The following C10orf88 variants were observed in gnomAD, a reference collection of about 807,000 sequenced individuals.
C10orf88 encodes chromosome 10 open reading frame 88, also known as ATPase PAAT.
Under a neutral mutation model 34.2 loss-of-function variants are expected in C10orf88, and 29 were observed. That is an observed-to-expected ratio of 0.85 (90% CI 0.63 to 1.16). C10orf88 has a LOEUF of 1.16. C10orf88 is among the 50% of genes most tolerant of loss of function. The probability of loss-of-function intolerance (pLI) is 0.00; values close to 1 mark genes in which losing one functional copy is unlikely to be tolerated. For synonymous variants in C10orf88, 194 were observed against 197.4 expected (o/e 0.98, Z 0.15); for missense variants, 507 against 533.2 (o/e 0.95, Z 0.48).
chr10:122,934,047 C>G (rs1848510655), intron 5 of C10orf88, among the ~76,000 whole-genome samples: 1 of 152,170 alleles, frequency 6.6e-6, no homozygotes, highest in South Asian at 2.1e-4. Context: ...TAGAATACAC[C>G]AAAGACAGTT....
At chr10:122,949,306 T>C (rs1251154366) in intron 3 of C10orf88, among the ~76,000 whole-genome samples, 1 of 152,012 alleles carries the variant, frequency 6.6e-6, no homozygotes, top group Non-Finnish European at 1.5e-5. Context: ...AACAATAGAG[T>C]AATTTTGACA....
Position 122,937,906 on chromosome 10 carries a change from T to A in C10orf88, c.902A>T (p.His301Leu), listed in dbSNP as rs773653013. The change falls in exon 5 of 6, where the codon CAT (histidine) becomes CTT (leucine). Residue 301 changes from histidine to leucine, a missense_variant. By Grantham distance (99) the His-to-Leu change is moderately conservative. Coordinates refer to ENST00000481909, the MANE Select transcript of C10orf88 (RefSeq NM_024942.4). ...LDECKVMPQNHSFLENDLKNA... is the reference protein window; with the variant it reads ...LDECKVMPQNLSFLENDLKNA... ...TTTAAGATCATTTTCAAGAAAGGAA[T>A]GGTTTTGAGGCATAACTTTACACTC... 3 of 1,613,412 alleles carry A rather than the reference T, an allele frequency of 1.9e-6. No individual in the cohort carries two copies. In the South Asian group the frequency reaches 3.3e-5, roughly 18 times the overall value.
At chr10:122,949,818 C>T (rs1010949954) in intron 3 of C10orf88, among the ~76,000 whole-genome samples, 2 of 152,116 alleles carry the variant, frequency 1.3e-5, no homozygotes, top group East Asian at 1.9e-4. Flanking sequence ...TCATGTAAAA[C>T]GTTTACTGAA....
At chr10:122,947,082 C>T (rs189124986) in intron 4 of C10orf88, among the ~76,000 whole-genome samples, 171 of 152,116 alleles carry the variant, frequency 1.1e-3, no homozygotes, top group African/African-American at 4.0e-3. Context: ...AGGTCATTCT[C>T]GGTACATTGT....
chr10:122,952,245 A>G (rs1848697040), intron 2 of C10orf88, among the ~76,000 whole-genome samples: 1 of 152,234 alleles, frequency 6.6e-6, no homozygotes, highest in African/African-American at 2.4e-5. Context: ...TAACATATGT[A>G]CAACCATGTA....
intron 1 of C10orf88, among the ~76,000 whole-genome samples, chr10:122,953,376 C>T (rs975623062): frequency 6.6e-6 from 1 of 152,156 alleles, no homozygotes; most frequent in Non-Finnish European, 1.5e-5. Context: ...CGTGCCCGGC[C>T]GGGGCTTCTT....
rs1478982641 is a variant in C10orf88 at position 122,948,554 on chromosome 10, A to G, written c.648+95T>C. 2.6e-6 allele frequency: 3 copies of G among 1,163,790 alleles called. No homozygotes were observed. The Admixed American group carries it at 7.1e-5, about 28-fold the overall frequency. The allele number at this position is 1,163,790 out of a possible 1,614,324, so 72.1% of individuals were successfully genotyped here. A position where few individuals can be genotyped will look rare whatever the true frequency, so the allele number is the denominator to read the frequency against. ...ACTAAAAGATAACAGTTAAATCAGT[A>G]TGAAAGAAAAATTTTAAGTCACTAC... On this transcript the variant is annotated intron_variant, in intron 4 of 5. Coordinates refer to ENST00000481909, the MANE Select transcript of C10orf88 (RefSeq NM_024942.4).
chr10:122,946,061 A>C (rs1225888351), intron 4 of C10orf88, among the ~76,000 whole-genome samples: 1 of 152,056 alleles, frequency 6.6e-6, no homozygotes, highest in Non-Finnish European at 1.5e-5. Context: ...ATACCACTGC[A>C]CTCCAGCCCA....
In C10orf88 at chr10:122,951,935, T is replaced by C. The variant is rs767006447; in HGVS notation, c.441+19A>G. ...AAAAACAACTTAGTTGTCAAATTAG[T>C]TTACAACTGACAACTTACCTTTATT... On this transcript the variant is annotated intron_variant, in intron 3 of 5. Coordinates refer to ENST00000481909, the MANE Select transcript of C10orf88 (RefSeq NM_024942.4). The C allele has an allele frequency of 7.4e-6, 11 of 1,479,944 alleles. No homozygotes were observed. Among genetic ancestry groups the C allele is most frequent in the Non-Finnish European group, 9.3e-6 (10 of 1,069,924 alleles). 91.7% of individuals were successfully genotyped at this position (1,479,944 alleles called of 1,614,324 possible).
chr10:122,949,000 C>G, intron 3 of C10orf88, 145 bp from the exon 4 acceptor site: 1 of 673,492 alleles, frequency 1.5e-6, no homozygotes, highest in Non-Finnish European at 2.4e-6. Context: ...TTCTCTAGAA[C>G]AGCAATAGTC....
intron 3 of C10orf88, among the ~76,000 whole-genome samples, chr10:122,949,250 T>C (rs1848667945): frequency 6.6e-6 from 1 of 152,204 alleles, no homozygotes; most frequent in East Asian, 1.9e-4. Context: ...TATACATACA[T>C]ACCTATGATA....
intron 4 of C10orf88, among the ~76,000 whole-genome samples, chr10:122,944,035 A>C (rs921047273): frequency 1.3e-5 from 2 of 152,088 alleles, no homozygotes; most frequent in African/African-American, 4.8e-5. Flanking sequence ...GTATATACCC[A>C]AAGGATTATA....
Position 122,951,225 on chromosome 10 carries a change from A to G in C10orf88, c.441+729T>C, listed in dbSNP as rs370324957. On this transcript the variant is annotated intron_variant, in intron 3 of 5. Coordinates refer to ENST00000481909, the MANE Select transcript of C10orf88 (RefSeq NM_024942.4). The stretch of plus-strand genomic sequence containing the variant: ...GGTTCTCTTGCTTGAAACTTCTCTA[A>G]TTTTGTTCTTTTATAAATGGGTTTT... Among the ~76,000 whole-genome samples, 3 of 152,148 alleles carry G rather than the reference A, an allele frequency of 2.0e-5. No homozygotes were observed. The South Asian group carries it at 6.2e-4, about 31-fold the overall frequency.
At chr10:122,934,028 C>A (rs1461659241) in intron 5 of C10orf88, among the ~76,000 whole-genome samples, 2 of 151,976 alleles carry the variant, frequency 1.3e-5, no homozygotes, top group African/African-American at 4.8e-5. Context: ...AGTCTGAGAG[C>A]CACTACTCTA....
rs368607042 is a variant in C10orf88 at position 122,948,788 on chromosome 10, A to G, written c.509T>C (p.Phe170Ser). Reference protein sequence around the residue: ...SKVVVHMRSVFANSSTSSPAL... With the variant: ...SKVVVHMRSVSANSSTSSPAL... ...AGGAGAGCTTGTTGAAGAATTTGCA[A>G]AAACTGATCTCATGTGTACCACAAC... Residue 170 changes from phenylalanine (F) to serine (S), a missense_variant, in exon 4 of 6, where the codon TTT (phenylalanine) becomes TCT (serine). Coordinates refer to ENST00000481909, the MANE Select transcript of C10orf88 (RefSeq NM_024942.4). 1.1e-5 allele frequency: 17 copies of G among 1,613,816 alleles called. No individual in the cohort carries two copies. The highest frequency in any genetic ancestry group is 1.4e-5 in the Non-Finnish European group (16 of 1,179,900).
chr10:122,937,313 A>T (rs1488091495), intron 5 of C10orf88, among the ~76,000 whole-genome samples: 1 of 152,030 alleles, frequency 6.6e-6, no homozygotes, highest in Non-Finnish European at 1.5e-5. Context: ...GACCAAACAT[A>T]ATCTTCAAGG....
intron 3 of C10orf88, among the ~76,000 whole-genome samples, chr10:122,950,239 G>A (rs576814118): frequency 7.9e-5 from 12 of 152,214 alleles, no homozygotes; most frequent in African/African-American, 2.7e-4. Flanking sequence ...TAGTTGTTGC[G>A]AGGATTATAT....
At chr10:122,951,264 T>C (rs1848687443) in intron 3 of C10orf88, among the ~76,000 whole-genome samples, 1 of 152,248 alleles carries the variant, frequency 6.6e-6, no homozygotes, top group African/African-American at 2.4e-5. Flanking sequence ...CATCACAGTT[T>C]ATATAGTTTT....
At chr10:122,935,131 C>CAA (rs1848522906) in intron 5 of C10orf88, among the ~76,000 whole-genome samples, 1 of 151,936 alleles carries the variant, frequency 6.6e-6, no homozygotes, top group Non-Finnish European at 1.5e-5. Flanking sequence ...ATTCCCCTAA[C>CAA]AGTGTCTTTC....
Sources: gnomAD v4.1 joint callset for allele counts (sites outside exome capture counted in the v4.1 genomes callset) on GRCh38, gnomAD v4.1.1 for gene constraint, MANE v1.5 for transcripts, NCBI Gene and HGNC (gene_info 2026-07-23, HGNC 2026-07-21) for gene names.